The following GALNT13 variants were observed in gnomAD, a reference collection of about 807,000 sequenced individuals.
GALNT13 encodes the protein UDP-GalNAc:polypeptide N-acetylgalactosaminyltransferase 13.
Under a neutral mutation model 64.2 loss-of-function variants are expected in GALNT13, and 28 were observed. The ratio of observed to expected loss-of-function variants is 0.44; its 90% CI spans 0.32 to 0.60. The LOEUF (loss-of-function observed/expected upper bound fraction) is 0.60, where lower values mean the gene tolerates loss of function less well. GALNT13 is among the 20% of genes least tolerant of loss of function. The probability of loss-of-function intolerance (pLI) is 0.05; values close to 1 mark genes in which losing one functional copy is unlikely to be tolerated. For missense variants in GALNT13, 577 were observed against 669.8 expected, an observed-to-expected ratio of 0.86 and a Z score of 1.53; for synonymous variants, 214 against 224.6, an observed-to-expected ratio of 0.95 and a Z score of 0.42.
the GALNT13 span, among the ~76,000 whole-genome samples, chr2:153,149,279 A>T: frequency 1.9e-3 from 294 of 151,932 alleles, 2 homozygotes; most frequent in African/African-American, 6.4e-3. Context: ...CAACTTTTCC[A>T]AGGTCCCACA....
chr2:153,641,215 C>T, the GALNT13 span, among the ~76,000 whole-genome samples: 277 of 152,242 alleles, frequency 1.8e-3, no homozygotes, highest in African/African-American at 6.4e-3. Context: ...AATGAAAGGT[C>T]TACTCTAATG....
the GALNT13 span, among the ~76,000 whole-genome samples, chr2:153,411,893 T>C: frequency 1.3e-5 from 2 of 152,194 alleles, no homozygotes; most frequent in African/African-American, 4.8e-5. Flanking sequence ...CCTTGATGTG[T>C]CTGTGAGGGT....
At chr2:154,315,807 C>G (rs1311374885) in intron 9 of GALNT13, among the ~76,000 whole-genome samples, 1 of 152,132 alleles carries the variant, frequency 6.6e-6, no homozygotes, top group Non-Finnish European at 1.5e-5. Context: ...ATAATATTTG[C>G]ACACTGAATT....
chr2:153,907,286 A>T (rs888975841), intron 2 of GALNT13, among the ~76,000 whole-genome samples: 2 of 151,496 alleles, frequency 1.3e-5, no homozygotes, highest in Non-Finnish European at 3.0e-5. Context: ...TGTGCCTAGA[A>T]GTTTAATGCA....
At chr2:153,307,069 T>C in the GALNT13 span, among the ~76,000 whole-genome samples, 2 of 152,216 alleles carry the variant, frequency 1.3e-5, no homozygotes, top group African/African-American at 2.4e-5. Context: ...CATAGAAAGG[T>C]ACTTTTTTTC....
chr2:153,876,202 TACACAC>T lies in GALNT13; in HGVS notation c.-177+3927_-177+3932del, dbSNP rs56256669. Among the ~76,000 whole-genome samples the T allele has an allele frequency of 3.7e-3, 548 of 148,738 alleles. 1 individual carries two copies. Among genetic ancestry groups the T allele is most frequent in the African/African-American group, 0.012 (505 of 40,488 alleles). ...ATTTCTAACAGCAACCCCCCCACAC[TACACAC>T]ACACACACACACACACACACACACA... On this transcript the variant is annotated intron_variant, in intron 1 of 12. Transcript: ENST00000392825.
the GALNT13 span, among the ~76,000 whole-genome samples, chr2:153,299,572 A>G: frequency 6.6e-6 from 1 of 152,202 alleles, no homozygotes; most frequent in Non-Finnish European, 1.5e-5. Flanking sequence ...CTGGAAAAAT[A>G]AAATCCTTAG....
chr2:153,099,069 C>G, the GALNT13 span, among the ~76,000 whole-genome samples: 6 of 152,178 alleles, frequency 3.9e-5, no homozygotes, highest in African/African-American at 9.6e-5. Context: ...ACTGAGATTG[C>G]GCCACTGCAC....
the GALNT13 span, among the ~76,000 whole-genome samples, chr2:153,537,527 A>T: frequency 6.6e-6 from 1 of 152,180 alleles, no homozygotes; most frequent in African/African-American, 2.4e-5. Context: ...GGACTCAGAA[A>T]GTACTACAAA....
At chr2:154,209,315 G>C (rs1687642289) in intron 4 of GALNT13, among the ~76,000 whole-genome samples, 1 of 152,108 alleles carries the variant, frequency 6.6e-6, no homozygotes, top group Non-Finnish European at 1.5e-5. Context: ...TCTCAGTGGA[G>C]AATGTAATGA....
intron 3 of GALNT13, among the ~76,000 whole-genome samples, chr2:154,089,497 CCT>C (rs778951012): frequency 3.3e-5 from 5 of 152,048 alleles, no homozygotes; most frequent in Non-Finnish European, 5.9e-5. Flanking sequence ...AAAGCCTAGA[CCT>C]CTCAGCCATT....
At chr2:153,175,009 C>CCAAA in the GALNT13 span, among the ~76,000 whole-genome samples, 1 of 152,062 alleles carries the variant, frequency 6.6e-6, no homozygotes, top group Non-Finnish European at 1.5e-5. Context: ...GATTTGATTA[C>CCAAA]TCTGGGTGTT....
In GALNT13 at chr2:153,894,188, G is replaced by T. The variant is rs562749658; in HGVS notation, c.-176-6748G>T. Among the ~76,000 whole-genome samples the T allele has an allele frequency of 4.4e-4, 67 of 152,114 alleles. 1 individual carries two copies. Among genetic ancestry groups the T allele is most frequent in the Middle Eastern group, 3.4e-3 (1 of 294 alleles). On this transcript the variant is annotated intron_variant, in intron 1 of 12. Coordinates refer to ENST00000392825, the MANE Select transcript of GALNT13 (RefSeq NM_052917.4). ...CTTTAAACATTCAATGAAAAAAAAT[G>T]AAACAAAGGGAACAAAGAATTGACA...
At chr2:154,012,529 A>G (rs1696717846) in intron 3 of GALNT13, among the ~76,000 whole-genome samples, 1 of 152,078 alleles carries the variant, frequency 6.6e-6, no homozygotes. Flanking sequence ...GGAAAATCTG[A>G]TAAGTATGTA....
chr2:153,908,034 G>A lies in GALNT13; in HGVS notation c.-105+7027G>A, dbSNP rs1452707474. ...ATTTACACTCCCACCAGCAAGCAGT[G>A]TGTAAGTGTTCCCTTTCGCCACAAC... is the stretch of plus-strand genomic sequence containing the variant. On this transcript the variant is annotated intron_variant, in intron 2 of 12. Transcript: ENST00000392825. Among the ~76,000 whole-genome samples the A allele has an allele frequency of 6.9e-4, 105 of 152,134 alleles. 1 individual carries two copies. The highest frequency in any genetic ancestry group is 7.4e-5 in the Non-Finnish European group (5 of 67,952).
At chr2:153,284,575 A>G in the GALNT13 span, among the ~76,000 whole-genome samples, 1 of 152,038 alleles carries the variant, frequency 6.6e-6, no homozygotes, top group East Asian at 1.9e-4. Flanking sequence ...GCCTCTTTCC[A>G]AGTTAACTTC....
At chr2:154,284,520 T>TAC (rs372990123) in intron 8 of GALNT13, among the ~76,000 whole-genome samples, 10,405 of 145,756 alleles carry the variant, frequency 0.071, 390 homozygotes, top group African/African-American at 0.088. Flanking sequence ...TACATATAGC[T>TAC]ACACACACAC....
chr2:153,359,589 C>T, the GALNT13 span, among the ~76,000 whole-genome samples: 1 of 125,106 alleles, frequency 8.0e-6, no homozygotes, highest in Non-Finnish European at 1.6e-5. Context: ...TGAGCACTCA[C>T]CTGAGCTGGA....
At chr2:154,430,773 C>T (rs1321664302) in intron 11 of GALNT13, among the ~76,000 whole-genome samples, 1 of 152,106 alleles carries the variant, frequency 6.6e-6, no homozygotes, top group Non-Finnish European at 1.5e-5. Context: ...TTTAAAATTA[C>T]TACATCCACC....
Sources: allele counts gnomAD v4.1 joint callset (sites outside exome capture counted in the v4.1 genomes callset), GRCh38; gene constraint gnomAD v4.1.1; transcripts MANE v1.5; gene names NCBI Gene and HGNC (gene_info 2026-07-23, HGNC 2026-07-21).